Variants in TRIP13 observed in about 807,000 individuals in gnomAD.
TRIP13 encodes thyroid hormone receptor interactor 13.
In TRIP13, 25 loss-of-function variants were observed where a neutral mutation model predicts 54.4. The observed-to-expected ratio is 0.46, with a 90% CI of 0.33 to 0.64. The LOEUF is 0.64. Among genes scored for constraint, TRIP13 ranks in the 30% least tolerant of loss-of-function variants. The pLI is 0.02. For missense variants in TRIP13, 373 were observed against 534.2 expected (o/e 0.70, Z 2.97); for synonymous variants, 207 against 207.8 (o/e 1.00, Z 0.03).
At chr5:910,473 C>G (rs952061799) in intron 9 of TRIP13, among the ~76,000 whole-genome samples, 1 of 152,018 alleles carries the variant, frequency 6.6e-6, no homozygotes, top group Admixed American at 6.5e-5. Context: ...ATGCCAGGCA[C>G]ACTCCCACAC....
intron 12 of TRIP13, among the ~76,000 whole-genome samples, 178 bp downstream of exon 12, chr5:916,151 T>C (rs925358736): frequency 1.3e-5 from 2 of 152,096 alleles, no homozygotes; most frequent in African/African-American, 2.4e-5. Context: ...CTGTCTTGAG[T>C]CCTTTGGGAG....
At chr5:906,774 G>A (rs1754124046) in intron 6 of TRIP13, among the ~76,000 whole-genome samples, 1 of 152,152 alleles carries the variant, frequency 6.6e-6, no homozygotes, top group Non-Finnish European at 1.5e-5. Flanking sequence ...GGAAGGAGGG[G>A]AAAATGCTCA....
At position 908,370 on chromosome 5, in the gene TRIP13, G is replaced by T; in HGVS notation, c.775G>T (p.Ala259Ser). Reference sequence around the variant, plus strand: ...CTCCCAACAGGTGGAGAGTCTCACAGCCGCCCGAAATGCCTGCAGGGCGGG... The same window carrying T: ...CTCCCAACAGGTGGAGAGTCTCACATCCGCCCGAAATGCCTGCAGGGCGGG... Reference protein sequence around the residue: ...VLIDEVESLTAARNACRAGTE... With the variant: ...VLIDEVESLTSARNACRAGTE... The change falls in exon 9 of 13, where the codon GCC (alanine) becomes TCC (serine). Residue 259 changes from alanine (A) to serine (S), a missense_variant. Ala to Ser is a moderately conservative substitution (Grantham distance 99, BLOSUM62 1). Around this residue, in one of 4 missense-constraint regions of TRIP13, gnomAD observed 119 missense variants for 223.0 expected, o/e 0.53. Coordinates refer to ENST00000166345, the MANE Select transcript of TRIP13 (RefSeq NM_004237.4). This position sits in a 1 kb window ranked among gnomAD's most constrained non-coding sequence, Gnocchi z 5.2. 5 of 1,611,970 alleles carry T rather than the reference G, an allele frequency of 3.1e-6. No homozygotes were observed. The highest frequency in any genetic ancestry group is 3.4e-6 in the Non-Finnish European group (4 of 1,180,028).
rs139058690 is a variant in TRIP13, at chr5:906,888, T to C, written c.609-242T>C. The stretch of plus-strand genomic sequence containing the variant: ...TAGAAATATAATTTGTAAATAGATA[T>C]AAAATGGGAGTTTTTACTCTTTAAC... On this transcript the variant is annotated intron_variant, in intron 6 of 12. Coordinates refer to ENST00000166345, the MANE Select transcript of TRIP13 (RefSeq NM_004237.4). Among the ~76,000 whole-genome samples the C allele has an allele frequency of 6.1e-3, 929 of 152,366 alleles. 14 individuals carry two copies. Among genetic ancestry groups the C allele is most frequent in the African/African-American group, 0.021 (887 of 41,592 alleles).
intron 2 of TRIP13, 84 bp downstream of exon 2, chr5:895,036 T>C: frequency 2.1e-6 from 3 of 1,433,150 alleles, no homozygotes; most frequent in Non-Finnish European, 2.8e-6. Context: ...TTTCATAGCC[T>C]GTTGTCAGAA....
At chr5:902,674 T>C (rs1754017792) in intron 5 of TRIP13, among the ~76,000 whole-genome samples, 1 of 151,806 alleles carries the variant, frequency 6.6e-6, no homozygotes, top group South Asian at 2.1e-4. Flanking sequence ...GACAAAGAGA[T>C]AAAAGACAGC....
Position 911,512 on chromosome 5 carries a change from A to C in TRIP13, c.867-331A>C, listed in dbSNP as rs566597362. Among the ~76,000 whole-genome samples, 2 of 151,768 alleles carry C rather than the reference A, an allele frequency of 1.3e-5. No individual in the cohort carries two copies. The highest frequency in any genetic ancestry group is 2.9e-5 in the Non-Finnish European group (2 of 67,942). On this transcript the variant is annotated intron_variant, in intron 9 of 12. Transcript: ENST00000166345. This position sits in a 1 kb window ranked among gnomAD's most constrained non-coding sequence, Gnocchi z 4.7. ...TGTGAACCGGCGAGGCGGAGCTTGC[A>C]GTGAGCCGAGATAGCACCACTGCAC...
At position 914,462 on chromosome 5, in the gene TRIP13, C is replaced by T; in HGVS notation, c.1021-3C>T. 1.2e-6 allele frequency: 2 copies of T among 1,608,380 alleles called. No individual in the cohort carries two copies. The highest frequency in any genetic ancestry group is 1.3e-5 in the African/African-American group (1 of 74,954). On this transcript the variant is annotated splice_region_variant and splice_polypyrimidine_tract_variant and intron_variant, in intron 10 of 12. Transcript: ENST00000166345. The stretch of plus-strand genomic sequence containing the variant: ...CTAACCGCCTGTACTTCTGTCTCCC[C>T]AGTGTCAGATCATATACCCTCGCCA...
In TRIP13 at chr5:892,925, C is replaced by T; in HGVS notation, c.-74C>T. ...CGGGGCCCGCGGGCTGAGGCAGCGG[C>T]TGTGGCGGCGACGCTGGGCGTGAGG... On this transcript the variant is annotated 5_prime_UTR_variant, in exon 1 of 13. Transcript: ENST00000166345. 2.2e-6 allele frequency: 3 copies of T among 1,343,596 alleles called. No individual in the cohort carries two copies. Among genetic ancestry groups the T allele is most frequent in the South Asian group, 1.5e-5 (1 of 65,564 alleles). 83.2% of individuals were successfully genotyped at this position (1,343,596 alleles called of 1,614,324 possible). A position where few individuals can be genotyped will look rare whatever the true frequency, so the allele number is the denominator to read the frequency against.
rs983526915 is a variant in TRIP13, at chr5:908,221, C to T, written c.760-134C>T. The stretch of plus-strand genomic sequence containing the variant: ...TGCACTGTGCGCCTTTCCACCTTGC[C>T]GCAGCATCCGCAGGCTAGGCACGGG... On this transcript the variant is annotated intron_variant, in intron 8 of 12. Coordinates refer to ENST00000166345, the MANE Select transcript of TRIP13 (RefSeq NM_004237.4). The surrounding 1 kb of genome is among the most constrained non-coding windows in gnomAD (Gnocchi z 5.2). 3.8e-5 allele frequency: 52 copies of T among 1,375,212 alleles called. No homozygotes were observed. The highest frequency in any genetic ancestry group is 5.0e-5 in the Non-Finnish European group (49 of 981,004). The allele number at this position is 1,375,212 out of a possible 1,614,324, so 85.2% of individuals were successfully genotyped here.
intron 1 of TRIP13, chr5:893,627 G>A (rs535719903): frequency 2.7e-4 from 47 of 174,950 alleles, no homozygotes; most frequent in African/African-American, 1.0e-3. Flanking sequence ...TGGGGCCTGT[G>A]GGCTGTGCTG....
rs1754151010 is a variant in TRIP13, at chr5:907,979, G to C, written c.673-9G>C. The C allele has an allele frequency of 1.1e-5, 17 of 1,614,162 alleles. No individual in the cohort carries two copies. Among genetic ancestry groups the C allele is most frequent in the African/African-American group, 2.7e-5 (2 of 75,058 alleles). ...GCACGTTGACACTAAAAGGGTGTTT[G>C]GGTTCCAGAGTGGCAAGCTGGTAAC... On this transcript the variant is annotated splice_polypyrimidine_tract_variant and intron_variant, in intron 7 of 12. Transcript: ENST00000166345. This position sits in a 1 kb window ranked among gnomAD's most constrained non-coding sequence, Gnocchi z 4.1.
At position 908,170 on chromosome 5, in the gene TRIP13, C is replaced by T; in HGVS notation, c.759+96C>T. 4 of 1,482,212 alleles carry T rather than the reference C, an allele frequency of 2.7e-6. No homozygotes were observed. Among genetic ancestry groups the T allele is most frequent in the Non-Finnish European group, 3.8e-6 (4 of 1,063,994 alleles). 91.8% of individuals were successfully genotyped at this position (1,482,212 alleles called of 1,614,324 possible). On this transcript the variant is annotated intron_variant, in intron 8 of 12. Transcript: ENST00000166345. This position sits in a 1 kb window ranked among gnomAD's most constrained non-coding sequence, Gnocchi z 5.2. ...TGATGCTCCTAGCTTTCCCCTCCTA[C>T]AGCCGGGCTGCCCTCTATCCCTCCC...
intron 5 of TRIP13, among the ~76,000 whole-genome samples, chr5:901,919 G>A (rs1212519935): frequency 1.3e-5 from 2 of 152,192 alleles, no homozygotes; most frequent in Middle Eastern, 3.2e-3. Context: ...CACCGCGCGC[G>A]GCCCCTGGGG....
Position 917,133 on chromosome 5 carries a change from C to T in TRIP13, c.*30C>T. ...GGGCTTCCCCATCTGGTGCTTTTCC[C>T]ATGGAGAACACACAACCAGTAAGTG... On this transcript the variant is annotated 3_prime_UTR_variant, in exon 13 of 13. Coordinates refer to ENST00000166345, the MANE Select transcript of TRIP13 (RefSeq NM_004237.4). 6.2e-7 allele frequency: 1 copy of T among 1,608,710 alleles called. No individual in the cohort carries two copies. The highest frequency in any genetic ancestry group is 8.5e-7 in the Non-Finnish European group (1 of 1,176,222).
chr5:909,173 C>G (rs1754179103), intron 9 of TRIP13, among the ~76,000 whole-genome samples: 1 of 152,144 alleles, frequency 6.6e-6, no homozygotes, highest in African/African-American at 2.4e-5. Flanking sequence ...GCAGATGGTC[C>G]ACGTCTCCAC....
At chr5:894,231 G>A (rs1391483252) in intron 1 of TRIP13, among the ~76,000 whole-genome samples, 1 of 152,118 alleles carries the variant, frequency 6.6e-6, no homozygotes, top group African/African-American at 2.4e-5. Flanking sequence ...CAGTAAGCTG[G>A]GACAGTGCAT....
At chr5:916,562 C>T (rs1342833215) in intron 12 of TRIP13, among the ~76,000 whole-genome samples, 1 of 152,214 alleles carries the variant, frequency 6.6e-6, no homozygotes, top group Non-Finnish European at 1.5e-5. Flanking sequence ...GTGCTCAGCA[C>T]AGAGGTGACA....
chr5:894,740 G>T (rs1753872530), intron 1 of TRIP13, 47 bp from the exon 2 acceptor site: 2 of 1,553,506 alleles, frequency 1.3e-6, no homozygotes, highest in African/African-American at 2.8e-5. Flanking sequence ...TTAACATTTT[G>T]TTTTTGAACT....
Sources: gnomAD v4.1 joint callset for allele counts (sites outside exome capture counted in the v4.1 genomes callset) on GRCh38, gnomAD v4.1.1 for gene constraint, gnomAD v4.1.1 regional missense constraint, Gnocchi (gnomAD v3.1) non-coding constraint, MANE v1.5 for transcripts, NCBI Gene and HGNC (gene_info 2026-07-23, HGNC 2026-07-21) for gene names.